CDH18: variants seen among roughly 807,000 people sequenced by gnomAD.
CDH18 encodes the protein cadherin 18, also known as cadherin-18.
A neutral mutation model predicts 67.9 loss-of-function variants in CDH18; 31 were observed. The observed-to-expected ratio is 0.46, with a 90% confidence interval of 0.34 to 0.62. The LOEUF is 0.62. CDH18 is among the 20% of genes least tolerant of loss of function. The pLI is 0.01. For missense variants in CDH18, 890 were observed against 975.5 expected, an observed-to-expected ratio of 0.91 and a Z score of 1.17; for synonymous variants, 362 against 347.2, an observed-to-expected ratio of 1.04 and a Z score of -0.48.
intron 1 of CDH18, among the ~76,000 whole-genome samples, chr5:19,982,731 T>C (rs184713824): frequency 2.6e-5 from 4 of 152,224 alleles, no homozygotes; most frequent in Non-Finnish European, 5.9e-5. Flanking sequence ...TCAACATTGG[T>C]TTCAGAAATT....
chr5:19,754,139 A>T (rs1486108603), intron 3 of CDH18, among the ~76,000 whole-genome samples: 1 of 152,182 alleles, frequency 6.6e-6, no homozygotes, highest in African/African-American at 2.4e-5. Flanking sequence ...AACATTATGA[A>T]TGGAATGGTA....
At chr5:19,711,739 A>G (rs1442844416) in intron 5 of CDH18, among the ~76,000 whole-genome samples, 1 of 152,086 alleles carries the variant, frequency 6.6e-6, no homozygotes, top group Admixed American at 6.6e-5. Flanking sequence ...AATTAGCACA[A>G]CCTCTGAGAA....
chr5:20,499,451 A>C (rs1754112352), intron 1 of CDH18, among the ~76,000 whole-genome samples: 1 of 152,096 alleles, frequency 6.6e-6, no homozygotes, highest in Admixed American at 6.6e-5. Flanking sequence ...GCAGATCCAT[A>C]ACCCACAGAT....
At chr5:20,019,336 G>A (rs1489204993) in intron 2 of CDH18, among the ~76,000 whole-genome samples, 4 of 152,104 alleles carry the variant, frequency 2.6e-5, no homozygotes, top group Admixed American at 6.5e-5. Context: ...TACTTTTTAC[G>A]GATGATATAT....
At chr5:20,468,382 C>G (rs1751814557) in intron 1 of CDH18, among the ~76,000 whole-genome samples, 1 of 152,152 alleles carries the variant, frequency 6.6e-6, no homozygotes, top group Non-Finnish European at 1.5e-5. Context: ...GGATGCCACG[C>G]TGGCATCTGC....
intron 1 of CDH18, among the ~76,000 whole-genome samples, chr5:20,532,834 T>A (rs558417061): frequency 2.6e-5 from 4 of 152,220 alleles, no homozygotes. Context: ...ATTGATGTTT[T>A]ACATCTTTTT....
chr5:19,611,976 G>GTA (rs1389909659), intron 6 of CDH18, among the ~76,000 whole-genome samples: 1 of 151,666 alleles, frequency 6.6e-6, no homozygotes, highest in Non-Finnish European at 1.5e-5. Context: ...GTGTGTGTGT[G>GTA]TGTGTGTGTG....
At chr5:20,056,726 C>A (rs1580140441) in intron 2 of CDH18, among the ~76,000 whole-genome samples, 2 of 143,914 alleles carry the variant, frequency 1.4e-5, no homozygotes, top group African/African-American at 5.3e-5. Context: ...CACTGTCGCC[C>A]AGGCTGGAGT....
intron 5 of CDH18, among the ~76,000 whole-genome samples, chr5:19,625,321 TG>T (rs543099614): frequency 1.0e-3 from 157 of 151,774 alleles, no homozygotes; most frequent in African/African-American, 3.5e-3. Context: ...ACAAATTATT[TG>T]TTTTTTTTTT....
chr5:19,849,623 T>A lies in CDH18; in HGVS notation c.-256-10381A>T, dbSNP rs142990215. 6.8e-3 allele frequency among the ~76,000 whole-genome samples: 502 copies of A among 73,892 alleles called. 31 individuals are homozygous for A. Among genetic ancestry groups the A allele is most frequent in the South Asian group, 0.021 (33 of 1,542 alleles). 48.5% of individuals were successfully genotyped at this position (73,892 alleles called of 152,430 possible). ...ACATATATATACACGCATATATATA[T>A]AAACATATATATACACGCATATATA... On this transcript the variant is annotated intron_variant, in intron 2 of 12. Coordinates refer to ENST00000382275, the MANE Select transcript of CDH18 (RefSeq NM_004934.5).
intron 2 of CDH18, among the ~76,000 whole-genome samples, chr5:20,175,687 A>G (rs775414645): frequency 2.6e-5 from 4 of 152,120 alleles, no homozygotes; most frequent in South Asian, 4.1e-4. Context: ...TTGGAGTCCT[A>G]TGTTCAAGGG....
At chr5:19,889,194 T>C (rs967754488) in intron 2 of CDH18, among the ~76,000 whole-genome samples, 1 of 152,116 alleles carries the variant, frequency 6.6e-6, no homozygotes, top group Non-Finnish European at 1.5e-5. Context: ...TTGAATATTT[T>C]CTATGTATAG....
intron 2 of CDH18, among the ~76,000 whole-genome samples, chr5:20,008,165 A>G (rs961870062): frequency 2.6e-5 from 4 of 152,062 alleles, no homozygotes; most frequent in East Asian, 3.9e-4. Flanking sequence ...AGATGTGTCT[A>G]TGTGTGATGG....
At chr5:20,276,746 C>T (rs1745841498) in intron 1 of CDH18, among the ~76,000 whole-genome samples, 1 of 152,130 alleles carries the variant, frequency 6.6e-6, no homozygotes, top group Admixed American at 6.5e-5. Context: ...GGCTCTTGGA[C>T]AGCATTTCTG....
intron 2 of CDH18, among the ~76,000 whole-genome samples, chr5:19,946,035 A>G (rs896443846): frequency 6.6e-6 from 1 of 152,140 alleles, no homozygotes; most frequent in African/African-American, 2.4e-5. Flanking sequence ...TAAAACCAAA[A>G]GATACCCACA....
intron 1 of CDH18, among the ~76,000 whole-genome samples, chr5:20,482,981 G>T (rs574492978): frequency 6.6e-6 from 1 of 151,974 alleles, no homozygotes; most frequent in South Asian, 2.1e-4. Flanking sequence ...TGGAAAGAAA[G>T]GAGTCAAATT....
At chr5:20,363,587 CT>C (rs1439348499) in intron 1 of CDH18, among the ~76,000 whole-genome samples, 2 of 152,008 alleles carry the variant, frequency 1.3e-5, no homozygotes, top group East Asian at 3.9e-4. Flanking sequence ...TTTACTCCCC[CT>C]GCTTCTTAGT....
intron 5 of CDH18, among the ~76,000 whole-genome samples, chr5:19,632,928 A>G (rs763880503): frequency 1.3e-5 from 2 of 152,042 alleles, no homozygotes; most frequent in Non-Finnish European, 2.9e-5. Context: ...GCTGTTTTGC[A>G]TCAGCTGGCT....
chr5:20,332,207 T>C (rs1161250825), intron 1 of CDH18, among the ~76,000 whole-genome samples: 1 of 152,242 alleles, frequency 6.6e-6, no homozygotes, highest in Admixed American at 6.5e-5. Flanking sequence ...TCAAAAGTTA[T>C]GTACTTCTTC....
Sources: gnomAD v4.1 joint callset for allele counts (sites outside exome capture counted in the v4.1 genomes callset) on GRCh38, gnomAD v4.1.1 for gene constraint, MANE v1.5 for transcripts, NCBI Gene and HGNC (gene_info 2026-07-23, HGNC 2026-07-21) for gene names.